Variants in PTPRQ observed in about 807,000 individuals in gnomAD.
PTPRQ encodes protein tyrosine phosphatase receptor type Q, also known as phosphatidylinositol phosphatase PTPRQ.
In PTPRQ, 199 loss-of-function variants were observed where a neutral mutation model predicts 246.0. That is an observed-to-expected ratio of 0.81 (90% CI 0.72 to 0.91). The LOEUF is 0.91. Ranked by LOEUF, PTPRQ falls within the 40% of genes least tolerant of loss-of-function variation. The pLI is 0.00. For missense variants in PTPRQ, 2,624 were observed against 2,528.4 expected, an observed-to-expected ratio of 1.04 and a Z score of -0.81; for synonymous variants, 869 against 853.2, an observed-to-expected ratio of 1.02 and a Z score of -0.32.
rs759064616 is a variant in PTPRQ, at chr12:80,459,417, G to T, written c.594G>T (p.Gly198=). The T allele has an allele frequency of 4.3e-5, 17 of 398,326 alleles. No individual in the cohort carries two copies. The highest frequency in any genetic ancestry group is 7.5e-5 in the Non-Finnish European group (17 of 226,000). The allele number at this position is 398,326 out of a possible 1,614,324, so 24.7% of individuals were successfully genotyped here. ...FKISVKHARS[G]IVVKDVSIRV... is the part of the protein sequence containing the mutation. ...TTAGTGTCAAGCATGCCAGAAGTGG[G>T]ATAGTAGTGAAAGATGTCTCAATCA... Residue 198 remains glycine, a synonymous_variant, in exon 5 of 45, where the codon GGG becomes GGT. Transcript: ENST00000644991.
rs779591577 is a variant in PTPRQ, at chr12:80,444,829, T to C, written c.143T>C (p.Ile48Thr). The change falls in exon 2 of 45, where the codon ATA becomes ACA. Residue 48 changes from isoleucine to threonine, a missense_variant. Coordinates refer to ENST00000644991, the MANE Select transcript of PTPRQ (RefSeq NM_001145026.2). ...STTYTSPVTR[I>T]VTTNVTKPGP... ...ACATACACCTCACCTGTTACTAGAA[T>C]AGTGACAACAAATGTAACAAGTGAG... 3.5e-5 allele frequency: 53 copies of C among 1,532,670 alleles called. No individual in the cohort carries two copies. The highest frequency in any genetic ancestry group is 4.4e-5 in the Non-Finnish European group (50 of 1,135,082). The allele number at this position is 1,532,670 out of a possible 1,614,324, so 94.9% of individuals were successfully genotyped here.
At chr12:80,587,268 C>T (rs992889017) in intron 25 of PTPRQ, among the ~76,000 whole-genome samples, 1 of 152,060 alleles carries the variant, frequency 6.6e-6, no homozygotes, top group Non-Finnish European at 1.5e-5. Context: ...TATTAATATA[C>T]AGTTCGCATT....
At chr12:80,641,734 A>G (rs1899862163) in intron 35 of PTPRQ, among the ~76,000 whole-genome samples, 1 of 152,184 alleles carries the variant, frequency 6.6e-6, no homozygotes, top group Admixed American at 6.5e-5. Context: ...CAGCACTCAA[A>G]GTTAACCTCT....
At position 80,545,785 on chromosome 12, in the gene PTPRQ, T is replaced by C. The variant is rs1896286490; in HGVS notation, c.3874-771T>C. 2.9e-5 allele frequency among the ~76,000 whole-genome samples: 4 copies of C among 137,356 alleles called. No individual in the cohort carries two copies. In the South Asian group the frequency reaches 9.3e-4, roughly 32 times the overall value. 90.1% of individuals were successfully genotyped at this position (137,356 alleles called of 152,430 possible). On this transcript the variant is annotated intron_variant, in intron 23 of 44. Transcript: ENST00000644991. ...AATTTATTATTATTATATATAATAA[T>C]GTTATTATTATTTATTACTGTTTTG...
At chr12:80,621,944 T>C (rs1899007291) in intron 32 of PTPRQ, 117 bp from the exon 33 acceptor site, 1 of 726,432 alleles carries the variant, frequency 1.4e-6, no homozygotes, top group Non-Finnish European at 2.0e-6. Context: ...AATTTTCATC[T>C]TGTAAATTCA....
intron 30 of PTPRQ, among the ~76,000 whole-genome samples, chr12:80,617,620 T>C (rs1349202119): frequency 6.6e-6 from 1 of 151,394 alleles, no homozygotes; most frequent in Admixed American, 6.6e-5. Context: ...CCCATCCCCA[T>C]GCCAGGTTGG....
chr12:80,662,008 C>G (rs540316083), intron 39 of PTPRQ, among the ~76,000 whole-genome samples: 15 of 152,018 alleles, frequency 9.9e-5, no homozygotes, highest in African/African-American at 3.6e-4. Context: ...AACCAGTGTT[C>G]TAGTCTCTAG....
At chr12:80,658,892 T>G (rs902269241) in intron 39 of PTPRQ, among the ~76,000 whole-genome samples, 1 of 152,032 alleles carries the variant, frequency 6.6e-6, no homozygotes. Context: ...TCAGTTCTAT[T>G]AAGGCTCTTG....
At chr12:80,657,959 C>T (rs1465884033) in intron 38 of PTPRQ, 26 bp from the exon 39 acceptor site, 16 of 1,364,582 alleles carry the variant, frequency 1.2e-5, no homozygotes, top group Non-Finnish European at 1.4e-5. Context: ...AGCCAATTAA[C>T]ATTGATTCCT....
At chr12:80,634,448 T>A (rs1236790694) in intron 34 of PTPRQ, among the ~76,000 whole-genome samples, 1 of 152,214 alleles carries the variant, frequency 6.6e-6, no homozygotes, top group Non-Finnish European at 1.5e-5. Context: ...AATATTTTTA[T>A]AAAAATTCAA....
intron 9 of PTPRQ, among the ~76,000 whole-genome samples, chr12:80,490,921 C>A (rs1212408477): frequency 6.6e-6 from 1 of 151,796 alleles, no homozygotes; most frequent in Non-Finnish European, 1.5e-5. Context: ...AACCTAATGT[C>A]TTTTCTTAAG....
At chr12:80,581,671 C>T (rs1014137155) in intron 25 of PTPRQ, among the ~76,000 whole-genome samples, 5 of 151,628 alleles carry the variant, frequency 3.3e-5, no homozygotes, top group African/African-American at 9.7e-5. Context: ...ATAATAAAAA[C>T]GATCATCAGC....
At chr12:80,477,968 T>A (rs61950917) in intron 8 of PTPRQ, among the ~76,000 whole-genome samples, 3,731 of 152,330 alleles carry the variant, frequency 0.024, 40 homozygotes, top group Middle Eastern at 0.065. Context: ...CGCCCGCCAT[T>A]GCCCAGGCTT....
chr12:80,548,848 C>T (rs1234756085), intron 24 of PTPRQ, among the ~76,000 whole-genome samples: 1 of 152,110 alleles, frequency 6.6e-6, no homozygotes, highest in African/African-American at 2.4e-5. Flanking sequence ...ATATAGAGGA[C>T]CTCTGAGAAG....
At chr12:80,673,603 G>A (rs1238175813) in intron 43 of PTPRQ, among the ~76,000 whole-genome samples, 1 of 152,022 alleles carries the variant, frequency 6.6e-6, no homozygotes, top group Non-Finnish European at 1.5e-5. Context: ...GCAACTTTGG[G>A]ATATCTGGAA....
At chr12:80,581,752 G>A (rs918735489) in intron 25 of PTPRQ, among the ~76,000 whole-genome samples, 1 of 151,906 alleles carries the variant, frequency 6.6e-6, no homozygotes, top group African/African-American at 2.4e-5. Context: ...TTATATTAAA[G>A]GCTTAAATAA....
chr12:80,608,851 T>A (rs959994035), intron 27 of PTPRQ, among the ~76,000 whole-genome samples: 6 of 150,512 alleles, frequency 4.0e-5, no homozygotes, highest in African/African-American at 1.5e-4. Flanking sequence ...TAGTTACCCA[T>A]CTCTGCACCT....
intron 3 of PTPRQ, among the ~76,000 whole-genome samples, chr12:80,448,119 T>C (rs1892609633): frequency 6.6e-6 from 1 of 152,132 alleles, no homozygotes; most frequent in Non-Finnish European, 1.5e-5. Context: ...TTGTAAAATG[T>C]ATTCCTAGAT....
chr12:80,485,347 T>C (rs1894238951), intron 9 of PTPRQ, among the ~76,000 whole-genome samples: 1 of 152,144 alleles, frequency 6.6e-6, no homozygotes, highest in Non-Finnish European at 1.5e-5. Flanking sequence ...CCCCGGGGCA[T>C]TCAAAGAATA....
Sources: allele counts gnomAD v4.1 joint callset (sites outside exome capture counted in the v4.1 genomes callset), GRCh38; gene constraint gnomAD v4.1.1; transcripts MANE v1.5; gene names NCBI Gene and HGNC (gene_info 2026-07-23, HGNC 2026-07-21).